Variants in RAPH1 observed in about 807,000 individuals in gnomAD.
RAPH1 encodes Ras association (RalGDS/AF-6) and pleckstrin homology domains 1.
In RAPH1, 18 loss-of-function variants were observed where a neutral mutation model predicts 88.1. The observed-to-expected ratio is 0.20, with a 90% CI of 0.14 to 0.30. The LOEUF (loss-of-function observed/expected upper bound fraction) is 0.30. RAPH1 is among the 10% of genes least tolerant of loss of function. The probability of loss-of-function intolerance (pLI) is 1.00; values close to 1 mark genes in which losing one functional copy is unlikely to be tolerated. For synonymous variants in RAPH1, 587 were observed against 559.0 expected, an observed-to-expected ratio of 1.05 and a Z score of -0.71; for missense variants, 1,448 against 1,543.2, an observed-to-expected ratio of 0.94 and a Z score of 1.03.
In RAPH1 at chr2:203,454,550, A is replaced by T. The variant is rs1200315591; in HGVS notation, c.1303-10T>A. 1 of 1,582,488 alleles carries T rather than the reference A, an allele frequency of 6.3e-7. No individual in the cohort carries two copies. The highest frequency in any genetic ancestry group is 2.2e-5 in the East Asian group (1 of 44,668). ...CCAGATCCCGAGAGACCTAAGATAA[A>T]AACACCAAAAAGATAAAATTAATAA... On this transcript the variant is annotated splice_polypyrimidine_tract_variant and intron_variant, in intron 9 of 13. Coordinates refer to ENST00000319170, the MANE Select transcript of RAPH1 (RefSeq NM_213589.3).
At chr2:203,458,920 G>A (rs532114089) in intron 7 of RAPH1, among the ~76,000 whole-genome samples, 2 of 152,026 alleles carry the variant, frequency 1.3e-5, no homozygotes, top group South Asian at 2.1e-4. Context: ...CCGACACCAC[G>A]CCCGGCTAAT....
At chr2:203,444,023 AGAAGGAAGGAAAGGAAGG>A (rs1325474081) in intron 13 of RAPH1, 2 of 123,860 alleles carry the variant, frequency 1.6e-5, no homozygotes, top group African/African-American at 6.0e-5. Flanking sequence ...GGGGATGGGG[AGAAGGAAGGAAAGGAAGG>A]GAAGGAAGGG....
chr2:203,470,730 A>G (rs889156638), intron 4 of RAPH1, among the ~76,000 whole-genome samples: 2 of 152,264 alleles, frequency 1.3e-5, no homozygotes, highest in Non-Finnish European at 1.5e-5. Context: ...TTTAAATAGT[A>G]TATTTCGGTT....
intron 4 of RAPH1, among the ~76,000 whole-genome samples, chr2:203,471,946 G>C (rs535973688): frequency 6.6e-6 from 1 of 152,072 alleles, no homozygotes; most frequent in Non-Finnish European, 1.5e-5. Flanking sequence ...ACTAGATTGT[G>C]TAGTCCTCCT....
At position 203,438,343 on chromosome 2, in the gene RAPH1, AGC is replaced by A; in HGVS notation, c.*1092_*1093del. On this transcript the variant is annotated 3_prime_UTR_variant, in exon 14 of 14. Transcript: ENST00000319170. ...CTCTCATCACCCTTCCCTTCTATAG[AGC>A]AATGCTCAAAAAATGCATTTTAGAA... 2.9e-6 allele frequency: 1 copy of A among 341,556 alleles called. No homozygotes were observed. The highest frequency in any genetic ancestry group is 4.1e-5 in the Admixed American group (1 of 24,242). 21.2% of individuals were successfully genotyped at this position (341,556 alleles called of 1,614,324 possible).
chr2:203,501,763 G>A (rs1688747655), intron 1 of RAPH1, among the ~76,000 whole-genome samples: 1 of 145,250 alleles, frequency 6.9e-6, no homozygotes, highest in Non-Finnish European at 1.5e-5. Context: ...TTCTACTTAG[G>A]ATCCAAACCT....
chr2:203,449,851 C>T (rs546725341), intron 10 of RAPH1, among the ~76,000 whole-genome samples: 119 of 151,978 alleles, frequency 7.8e-4, no homozygotes, highest in Admixed American at 2.6e-3. Context: ...GGTGAAACCC[C>T]GTCTCTATTA....
chr2:203,444,121 AT>A (rs1246905567), intron 13 of RAPH1: 1 of 148,228 alleles, frequency 6.7e-6, no homozygotes, highest in Non-Finnish European at 1.5e-5. Context: ...GAAGAAAAGA[AT>A]AAAAAAGAAG....
In RAPH1 at chr2:203,509,340, C is replaced by T. The variant is rs568185976; in HGVS notation, c.1-13987G>A. On this transcript the variant is annotated intron_variant, in intron 1 of 13. Transcript: ENST00000319170. ...CCTCCCAAAGTGCCTGGATTACAGG[C>T]GTGAGCCACCACACCCGGCCCTAAA... Among the ~76,000 whole-genome samples, 6 of 151,904 alleles carry T rather than the reference C, an allele frequency of 3.9e-5. No homozygotes were observed. The South Asian group carries it at 6.3e-4, about 16-fold the overall frequency.
chr2:203,484,707 A>G (rs1687885657), intron 4 of RAPH1, among the ~76,000 whole-genome samples: 1 of 152,228 alleles, frequency 6.6e-6, no homozygotes, highest in Non-Finnish European at 1.5e-5. Context: ...TAGACAGGTG[A>G]TGGTGCGACT....
chr2:203,512,271 A>G (rs1217532748), intron 1 of RAPH1, among the ~76,000 whole-genome samples: 1 of 149,710 alleles, frequency 6.7e-6, no homozygotes, highest in African/African-American at 2.5e-5. Context: ...TCTACTAAAA[A>G]TACAAAAATT....
chr2:203,464,568 G>A (rs1581289782), intron 4 of RAPH1, among the ~76,000 whole-genome samples: 1 of 152,296 alleles, frequency 6.6e-6, no homozygotes, highest in East Asian at 1.9e-4. Flanking sequence ...ACCATGCCCA[G>A]CCAAACATGA....
chr2:203,453,087 T>C (rs2153638284), intron 10 of RAPH1, among the ~76,000 whole-genome samples: 1 of 152,322 alleles, frequency 6.6e-6, no homozygotes, highest in South Asian at 2.1e-4. Flanking sequence ...TATTAAATAA[T>C]TTTGACATCA....
Position 203,438,507 on chromosome 2 carries a change from C to T in RAPH1, c.*930G>A, listed in dbSNP as rs906408842. ...AGGTAACTGGTGACCCAAAGACATA[C>T]TGGGACAGAACATTACAGAGATAAC... On this transcript the variant is annotated 3_prime_UTR_variant, in exon 14 of 14. Transcript: ENST00000319170. 8.2e-6 allele frequency: 2 copies of T among 242,828 alleles called. No individual in the cohort carries two copies. The highest frequency in any genetic ancestry group is 1.0e-4 in the South Asian group (2 of 19,674). The allele number at this position is 242,828 out of a possible 1,614,324, so 15.0% of individuals were successfully genotyped here.
intron 4 of RAPH1, among the ~76,000 whole-genome samples, chr2:203,488,239 T>C (rs1308894281): frequency 6.6e-6 from 1 of 152,130 alleles, no homozygotes; most frequent in South Asian, 2.1e-4. Context: ...TTCCATCTTT[T>C]AAAAATCTGT....
At chr2:203,494,824 G>GAAAAAAAAAAAAAAAAAAA (rs1297398356) in intron 2 of RAPH1, among the ~76,000 whole-genome samples, 1 of 130,410 alleles carries the variant, frequency 7.7e-6, no homozygotes. Flanking sequence ...AAAAAAAAAA[G>GAAAAAAAAAAAAAAAAAAA]AAAAAAAAAA....
At chr2:203,479,922 T>A (rs1559474792) in intron 4 of RAPH1, among the ~76,000 whole-genome samples, 1 of 152,194 alleles carries the variant, frequency 6.6e-6, no homozygotes, top group Non-Finnish European at 1.5e-5. Context: ...TCTTTATCAC[T>A]ACGTTCATAA....
intron 4 of RAPH1, among the ~76,000 whole-genome samples, chr2:203,481,973 C>T (rs1438367603): frequency 6.6e-6 from 1 of 150,486 alleles, no homozygotes; most frequent in Non-Finnish European, 1.5e-5. Context: ...AAAACAAAAA[C>T]AGACCTAAAC....
rs777340494 is a variant in RAPH1 at position 203,440,945 on chromosome 2, T to C, written c.2245A>G (p.Ile749Val). ...QFSAPPPPLK[I>V]HQVQHITQVA... is the part of the protein sequence containing the mutation. Reference sequence around the variant, plus strand: ...TGAGTAATATGCTGAACTTGATGGATCTTCAGTGGAGGAGGCGGGGCACTG... The same window carrying C: ...TGAGTAATATGCTGAACTTGATGGACCTTCAGTGGAGGAGGCGGGGCACTG... Residue 749 changes from isoleucine (I) to valine (V), a missense_variant, in exon 14 of 14, where the codon ATC becomes GTC. By Grantham distance (29) the Ile-to-Val change is conservative. Transcript: ENST00000319170. 1 of 1,569,010 alleles carries C rather than the reference T, an allele frequency of 6.4e-7. No homozygotes were observed.
Sources: allele counts gnomAD v4.1 joint callset (sites outside exome capture counted in the v4.1 genomes callset), GRCh38; gene constraint gnomAD v4.1.1; transcripts MANE v1.5; gene names NCBI Gene and HGNC (gene_info 2026-07-23, HGNC 2026-07-21).